PCBP4: variants seen among roughly 807,000 people sequenced by gnomAD.
PCBP4 encodes poly(rC)-binding protein 4.
PCBP4 carries 24 observed loss-of-function variants against 46.2 expected under a neutral mutation model. That is an observed-to-expected ratio of 0.52 (90% confidence interval 0.38 to 0.73). PCBP4 has a LOEUF of 0.73. Among genes scored for constraint, PCBP4 ranks in the 30% least tolerant of loss-of-function variants. The pLI is 0.00. For missense variants in PCBP4, 407 were observed against 537.0 expected (o/e 0.76, Z 2.39); for synonymous variants, 203 against 224.4 (o/e 0.90, Z 0.85).
Position 51,960,147 on chromosome 3 carries a change from C to G in PCBP4, c.387+42G>C. 1 of 1,614,162 alleles carries G rather than the reference C, an allele frequency of 6.2e-7. No individual in the cohort carries two copies. Among genetic ancestry groups the G allele is most frequent in the Non-Finnish European group, 8.5e-7 (1 of 1,180,026 alleles). ...CCAACACCCCTCTTACAACTGCTCC[C>G]TTGCCCCGGATTCCCTGTGGGTGGT... is the stretch of plus-strand genomic sequence containing the variant. On this transcript the variant is annotated intron_variant, in intron 7 of 13. Coordinates refer to ENST00000461554, the MANE Select transcript of PCBP4 (RefSeq NM_001174100.2). This position sits in a 1 kb window ranked among gnomAD's most constrained non-coding sequence, Gnocchi z 5.0.
In PCBP4 at chr3:51,959,959, G is replaced by GT. The variant is rs747270528; in HGVS notation, c.451dup (p.Thr151AsnfsTer7). On this transcript the variant is annotated frameshift_variant, in exon 8 of 14. Coordinates refer to ENST00000461554, the MANE Select transcript of PCBP4 (RefSeq NM_001174100.2). LOFTEE classifies it high-confidence loss of function. This position sits in a 1 kb window ranked among gnomAD's most constrained non-coding sequence, Gnocchi z 5.6. ...GATGGCATCAGGCACCCCAGATACC[G>GT]TAACAGCTCGCTCTGTGGAGTTGGG... The GT allele has an allele frequency of 6.2e-7, 1 of 1,613,318 alleles. No homozygotes were observed.
chr3:51,965,283 T>G (rs1286253293), intron 1 of PCBP4, among the ~76,000 whole-genome samples: 4 of 152,208 alleles, frequency 2.6e-5, no homozygotes, highest in African/African-American at 9.6e-5. Flanking sequence ...CTGTCTCTCT[T>G]GTCTCATCTC....
Position 51,960,264 on chromosome 3 carries a change from C to T in PCBP4, c.312G>A (p.Leu104=). Residue 104 remains leucine (L), a synonymous_variant, in exon 7 of 14, where the codon CTG becomes CTA. Transcript: ENST00000461554. The surrounding 1 kb of genome is among the most constrained non-coding windows in gnomAD (Gnocchi z 5.0). ...GGNVSRPPVT[L]RLVIPASQCG... ...ACTGACTGGCAGGGATGACAAGGCGCAGGGTCACTGGAGGCCTGGAGACAT... is the reference window on the plus strand; with the variant it reads ...ACTGACTGGCAGGGATGACAAGGCGTAGGGTCACTGGAGGCCTGGAGACAT... The T allele has an allele frequency of 6.2e-7, 1 of 1,614,100 alleles. No individual in the cohort carries two copies. The highest frequency in any genetic ancestry group is 8.5e-7 in the Non-Finnish European group (1 of 1,180,038).
chr3:51,959,008 C>G lies in PCBP4; in HGVS notation c.753+39G>C, dbSNP rs1699991804. ...CCTGGGTGAGGTCCAGACCCCCAGACCCCCTACCCACCCTCCAGCCATCCC... is the reference window on the plus strand; with the variant it reads ...CCTGGGTGAGGTCCAGACCCCCAGAGCCCCTACCCACCCTCCAGCCATCCC... On this transcript the variant is annotated intron_variant, in intron 12 of 13. Coordinates refer to ENST00000461554, the MANE Select transcript of PCBP4 (RefSeq NM_001174100.2). This position sits in a 1 kb window ranked among gnomAD's most constrained non-coding sequence, Gnocchi z 5.6. The G allele has an allele frequency of 1.4e-5, 22 of 1,613,120 alleles. No homozygotes were observed. Among genetic ancestry groups the G allele is most frequent in the Non-Finnish European group, 1.9e-5 (22 of 1,179,446 alleles).
chr3:51,961,233 C>A lies in PCBP4; in HGVS notation c.8G>T (p.Gly3Val). 1.2e-6 allele frequency: 2 copies of A among 1,612,188 alleles called. No individual in the cohort carries two copies. The highest frequency in any genetic ancestry group is 1.7e-6 in the Non-Finnish European group (2 of 1,179,922). The change falls in exon 3 of 14, where the codon GGC becomes GTC. Residue 3 changes from glycine to valine, a missense_variant. Gly to Val is a moderately radical substitution (Grantham distance 109). Coordinates refer to ENST00000461554, the MANE Select transcript of PCBP4 (RefSeq NM_001174100.2). The part of the protein sequence containing the change: MS[G>V]SDGGLEEEPE... ...CTCCTCCTCCAGTCCCCCGTCCGAG[C>A]CGCTCATTCTGTCAGGCGAGGCTGG...
chr3:51,966,807 C>T (rs1405640200), intron 1 of PCBP4, among the ~76,000 whole-genome samples: 4 of 151,676 alleles, frequency 2.6e-5, no homozygotes, highest in Non-Finnish European at 5.9e-5. Context: ...CTCCCACCCC[C>T]ACCCCCCAGG....
In PCBP4 at chr3:51,960,273, T is replaced by C; in HGVS notation, c.303A>G (p.Pro101=). Residue 101 remains proline, a synonymous_variant, in exon 7 of 14, where the codon CCA becomes CCG. Transcript: ENST00000461554. The surrounding 1 kb of genome is among the most constrained non-coding windows in gnomAD (Gnocchi z 5.0). ...PANGGNVSRP[P]VTLRLVIPAS... ...CAGGGATGACAAGGCGCAGGGTCAC[T>C]GGAGGCCTGGAGACATTTCCACCAT... 6.2e-7 allele frequency: 1 copy of C among 1,614,070 alleles called. No homozygotes were observed.
intron 1 of PCBP4, chr3:51,963,245 C>T (rs1186024132): frequency 6.6e-6 from 1 of 152,204 alleles, no homozygotes; most frequent in Non-Finnish European, 1.5e-5. Context: ...AGTAACCTGC[C>T]CAAGGTCACA....
intron 1 of PCBP4, among the ~76,000 whole-genome samples, chr3:51,962,293 A>G (rs1477133025): frequency 6.6e-6 from 1 of 152,176 alleles, no homozygotes; most frequent in Non-Finnish European, 1.5e-5. Flanking sequence ...TAACTGATGG[A>G]GGAAGGTGGA....
chr3:51,959,009 C>G lies in PCBP4; in HGVS notation c.753+38G>C. 1 of 1,613,208 alleles carries G rather than the reference C, an allele frequency of 6.2e-7. No individual in the cohort carries two copies. The highest frequency in any genetic ancestry group is 8.5e-7 in the Non-Finnish European group (1 of 1,179,434). ...CTGGGTGAGGTCCAGACCCCCAGAC[C>G]CCCTACCCACCCTCCAGCCATCCCA... On this transcript the variant is annotated intron_variant, in intron 12 of 13. Coordinates refer to ENST00000461554, the MANE Select transcript of PCBP4 (RefSeq NM_001174100.2). The surrounding 1 kb of genome is among the most constrained non-coding windows in gnomAD (Gnocchi z 5.6).
chr3:51,961,332 G>A (rs1359835345), intron 2 of PCBP4, 28 bp from the exon 3 acceptor site: 11 of 1,517,260 alleles, frequency 7.2e-6, no homozygotes, highest in East Asian at 2.4e-5. Context: ...AGAGGGGTTC[G>A]AGAGGAGCCC....
chr3:51,959,059 C>A lies in PCBP4; in HGVS notation c.741G>T (p.Leu247Phe). Reference protein sequence around the residue: ...PGTQTSSQEFLVPNDLIGCVI... With the variant: ...PGTQTSSQEFFVPNDLIGCVI... Reference sequence around the variant, plus strand: ...ATCCCCTGCTCACATCGTTGGGAACCAAGAACTCCTGTGAGCTGGTCTGTG... The same window carrying A: ...ATCCCCTGCTCACATCGTTGGGAACAAAGAACTCCTGTGAGCTGGTCTGTG... The change falls in exon 12 of 14, where the codon TTG becomes TTT. Residue 247 changes from leucine (L) to phenylalanine (F), a missense_variant. Physicochemically the swap from Leu to Phe is conservative, Grantham distance 22 (BLOSUM62 0). Transcript: ENST00000461554. This position sits in a 1 kb window ranked among gnomAD's most constrained non-coding sequence, Gnocchi z 5.6. 6.2e-7 allele frequency: 1 copy of A among 1,613,960 alleles called. No individual in the cohort carries two copies. The highest frequency in any genetic ancestry group is 8.5e-7 in the Non-Finnish European group (1 of 1,179,964).
intron 1 of PCBP4, among the ~76,000 whole-genome samples, chr3:51,964,823 A>G (rs1206837293): frequency 6.6e-6 from 1 of 152,186 alleles, no homozygotes; most frequent in Non-Finnish European, 1.5e-5. Context: ...CGGGATAGCC[A>G]ATCATCTACA....
In PCBP4 at chr3:51,960,192, T is replaced by G; in HGVS notation, c.384A>C (p.Arg128=). The part of the protein sequence containing the change: ...GKAGTKIKEI[R]ETTGAQVQVA... ...GGTGGTATATCTCGCCCCTCACCTC[T>G]CGGATCTCCTTGATCTTGGTGCCAG... The change falls in exon 7 of 14, where the codon CGA becomes CGC. Residue 128 remains arginine, a synonymous_variant. Coordinates refer to ENST00000461554, the MANE Select transcript of PCBP4 (RefSeq NM_001174100.2). The surrounding 1 kb of genome is among the most constrained non-coding windows in gnomAD (Gnocchi z 5.0). 1 of 1,614,064 alleles carries G rather than the reference T, an allele frequency of 6.2e-7. No individual in the cohort carries two copies. The highest frequency in any genetic ancestry group is 1.3e-5 in the African/African-American group (1 of 75,064).
In PCBP4 at chr3:51,957,995, G is replaced by A. The variant is rs528248615; in HGVS notation, c.*66C>T. The stretch of plus-strand genomic sequence containing the variant: ...ACCCCAGGGTGGAGTCTCCTTGGGC[G>A]GGTAGGGTGCAGAGGCAGCCCCCTG... On this transcript the variant is annotated 3_prime_UTR_variant, in exon 14 of 14. Coordinates refer to ENST00000461554, the MANE Select transcript of PCBP4 (RefSeq NM_001174100.2). The A allele has an allele frequency of 5.2e-5, 75 of 1,435,134 alleles. 1 individual carries two copies. Among genetic ancestry groups the A allele is most frequent in the African/African-American group, 1.0e-4 (7 of 69,510 alleles). 88.9% of individuals were successfully genotyped at this position (1,435,134 alleles called of 1,614,324 possible). A position where few individuals can be genotyped will look rare whatever the true frequency, so the allele number is the denominator to read the frequency against.
chr3:51,958,972 C>T lies in PCBP4; in HGVS notation c.754-13G>A. The T allele has an allele frequency of 2.5e-6, 4 of 1,613,908 alleles. No individual in the cohort carries two copies. The highest frequency in any genetic ancestry group is 1.1e-5 in the South Asian group (1 of 91,068). ...CACAGCCAATCAACTAGAGGGAAGGCAGAATTCAGCCCTGGGTGAGGTCCA... is the reference window on the plus strand; with the variant it reads ...CACAGCCAATCAACTAGAGGGAAGGTAGAATTCAGCCCTGGGTGAGGTCCA... On this transcript the variant is annotated splice_polypyrimidine_tract_variant and intron_variant, in intron 12 of 13. Transcript: ENST00000461554. This position sits in a 1 kb window ranked among gnomAD's most constrained non-coding sequence, Gnocchi z 5.4.
At chr3:51,963,926 G>A (rs981503810) in intron 1 of PCBP4, among the ~76,000 whole-genome samples, 6 of 152,222 alleles carry the variant, frequency 3.9e-5, no homozygotes, top group African/African-American at 1.4e-4. Context: ...GCCCTCAGTG[G>A]GGCTCTAGGG....
chr3:51,963,673 C>T (rs1577691671), intron 1 of PCBP4, among the ~76,000 whole-genome samples: 1 of 152,186 alleles, frequency 6.6e-6, no homozygotes, highest in East Asian at 1.9e-4. Context: ...AGAGACCCAC[C>T]GCCCCAAGTC....
At position 51,960,836 on chromosome 3, in the gene PCBP4, C is replaced by T. The variant is rs371901710; in HGVS notation, c.138+30G>A. Reference sequence around the variant, plus strand: ...GGATCTCCCCTCCACATCAGGTGCCCTGGGCTCCTCCCCCAAACTCCATCC... The same window carrying T: ...GGATCTCCCCTCCACATCAGGTGCCTTGGGCTCCTCCCCCAAACTCCATCC... On this transcript the variant is annotated intron_variant, in intron 5 of 13. Transcript: ENST00000461554. This position sits in a 1 kb window ranked among gnomAD's most constrained non-coding sequence, Gnocchi z 5.0. The T allele has an allele frequency of 2.5e-6, 4 of 1,612,994 alleles. No individual in the cohort carries two copies. The highest frequency in any genetic ancestry group is 3.4e-6 in the Non-Finnish European group (4 of 1,178,936).
Sources: allele counts gnomAD v4.1 joint callset (sites outside exome capture counted in the v4.1 genomes callset), GRCh38; gene constraint gnomAD v4.1.1; non-coding constraint Gnocchi (gnomAD v3.1); transcripts MANE v1.5; gene names NCBI Gene and HGNC (gene_info 2026-07-23, HGNC 2026-07-21).